Variants in ELMO1 observed in about 807,000 individuals in gnomAD.
ELMO1 encodes engulfment and cell motility protein 1.
ELMO1 carries 26 observed loss-of-function variants against 98.9 expected under a neutral mutation model. The ratio of observed to expected loss-of-function variants is 0.26; its 90% CI spans 0.19 to 0.36. ELMO1 has a LOEUF of 0.36. ELMO1 is among the 10% of genes least tolerant of loss of function. The pLI is 1.00. For synonymous variants in ELMO1, 346 were observed against 346.0 expected (o/e 1.00, Z 0.00); for missense variants, 627 against 935.2 (o/e 0.67, Z 4.30).
chr7:37,274,008 A>C (rs993651455), intron 4 of ELMO1, among the ~76,000 whole-genome samples: 1 of 152,136 alleles, frequency 6.6e-6, no homozygotes, highest in Non-Finnish European at 1.5e-5. Flanking sequence ...CGAAAACCCA[A>C]CACCACCAGA....
rs142868874 is a variant in ELMO1 at position 37,108,390 on chromosome 7, T to C, written c.1192-11663A>G. 4.4e-3 allele frequency among the ~76,000 whole-genome samples: 672 copies of C among 152,280 alleles called. 5 individuals carry two copies. The highest frequency in any genetic ancestry group is 0.015 in the African/African-American group (633 of 41,552). On this transcript the variant is annotated intron_variant, in intron 14 of 21. Coordinates refer to ENST00000310758, the MANE Select transcript of ELMO1 (RefSeq NM_014800.11). ...CCCTCTCCTTCAGACCCAATCCAGATGTCACTTTCTCCATAAAACCTTATG... is the reference window on the plus strand; with the variant it reads ...CCCTCTCCTTCAGACCCAATCCAGACGTCACTTTCTCCATAAAACCTTATG...
intron 16 of ELMO1, among the ~76,000 whole-genome samples, chr7:36,963,334 C>T (rs1026320116): frequency 2.6e-4 from 39 of 151,760 alleles, no homozygotes; most frequent in Admixed American, 1.6e-3. Flanking sequence ...GCCGAGATTG[C>T]GCCACTGCAC....
intron 1 of ELMO1, among the ~76,000 whole-genome samples, chr7:37,352,438 A>G (rs528330768): frequency 2.0e-5 from 3 of 152,202 alleles, no homozygotes; most frequent in Admixed American, 6.5e-5. Flanking sequence ...TTACTGCAGG[A>G]CTTCTCAGGG....
rs564895728 is a variant in ELMO1 at position 37,168,120 on chromosome 7, G to C, written c.1087-34886C>G. The stretch of plus-strand genomic sequence containing the variant: ...TCCATCACTGATATCCTTTCTTCCA[G>C]TTGATCGCATTGGCTCCTGAGGCTT... On this transcript the variant is annotated intron_variant, in intron 13 of 21. Coordinates refer to ENST00000310758, the MANE Select transcript of ELMO1 (RefSeq NM_014800.11). Among the ~76,000 whole-genome samples the C allele has an allele frequency of 1.7e-3, 253 of 151,958 alleles. 1 individual carries two copies. The highest frequency in any genetic ancestry group is 5.6e-3 in the African/African-American group (231 of 41,478).
At chr7:37,147,170 C>A (rs1788038297) in intron 13 of ELMO1, among the ~76,000 whole-genome samples, 1 of 152,140 alleles carries the variant, frequency 6.6e-6, no homozygotes, top group Non-Finnish European at 1.5e-5. Context: ...TTCATGATAT[C>A]CCAGCTCCTC....
chr7:36,999,637 C>T (rs1476769425), intron 16 of ELMO1, among the ~76,000 whole-genome samples: 5 of 152,188 alleles, frequency 3.3e-5, no homozygotes, highest in Admixed American at 2.0e-4. Flanking sequence ...CAGAAACCAA[C>T]AGTAAATGCT....
At chr7:37,217,226 A>G (rs950240520) in intron 10 of ELMO1, among the ~76,000 whole-genome samples, 7 of 151,368 alleles carry the variant, frequency 4.6e-5, no homozygotes, top group Non-Finnish European at 8.8e-5. Flanking sequence ...AAAGCTCTAG[A>G]GTCTACACTC....
chr7:36,989,548 T>C (rs1288870517), intron 16 of ELMO1, among the ~76,000 whole-genome samples: 5 of 151,570 alleles, frequency 3.3e-5, no homozygotes, highest in African/African-American at 1.2e-4. Flanking sequence ...ATCTCCCACA[T>C]ATAAAATGGA....
intron 16 of ELMO1, among the ~76,000 whole-genome samples, chr7:36,943,056 G>C (rs1787182450): frequency 6.6e-6 from 1 of 152,158 alleles, no homozygotes; most frequent in South Asian, 2.1e-4. Context: ...GACTACCTGC[G>C]GAACCTGGGT....
At chr7:37,052,348 G>A (rs1381428471) in intron 15 of ELMO1, among the ~76,000 whole-genome samples, 1 of 152,180 alleles carries the variant, frequency 6.6e-6, no homozygotes, top group African/African-American at 2.4e-5. Flanking sequence ...TTAGTTTAAA[G>A]AACTGCTATC....
intron 6 of ELMO1, among the ~76,000 whole-genome samples, chr7:37,255,938 T>C (rs895217194): frequency 6.6e-6 from 1 of 152,152 alleles, no homozygotes; most frequent in Non-Finnish European, 1.5e-5. Flanking sequence ...GGCAGGTACA[T>C]GAAGTAATCC....
chr7:36,986,314 G>C, intron 16 of ELMO1: 1 of 944,896 alleles, frequency 1.1e-6, no homozygotes, highest in Middle Eastern at 5.4e-4. Flanking sequence ...TTTTCTCTTA[G>C]AGTATCACAA....
At chr7:37,368,648 A>G (rs1199739886) in intron 1 of ELMO1, among the ~76,000 whole-genome samples, 1 of 152,206 alleles carries the variant, frequency 6.6e-6, no homozygotes, top group East Asian at 1.9e-4. Flanking sequence ...CCACATCTGG[A>G]CAGGCTTTTC....
intron 15 of ELMO1, among the ~76,000 whole-genome samples, chr7:37,020,234 T>C (rs1318741841): frequency 6.6e-6 from 1 of 152,198 alleles, no homozygotes; most frequent in East Asian, 1.9e-4. Context: ...GCAGTCTCCA[T>C]ATACATAGAT....
chr7:37,199,380 GA>G (rs1158086682), intron 13 of ELMO1, among the ~76,000 whole-genome samples: 1 of 152,174 alleles, frequency 6.6e-6, no homozygotes, highest in Non-Finnish European at 1.5e-5. Flanking sequence ...TTGGGAGGCT[GA>G]GGTGGGAGGT....
intron 15 of ELMO1, among the ~76,000 whole-genome samples, chr7:37,086,395 A>C (rs1177808221): frequency 1.4e-5 from 2 of 145,904 alleles, no homozygotes; most frequent in African/African-American, 5.2e-5. Flanking sequence ...AAGAGGGTGA[A>C]TGATAAAACA....
chr7:37,355,415 C>G (rs1450387636), intron 1 of ELMO1, among the ~76,000 whole-genome samples: 1 of 152,214 alleles, frequency 6.6e-6, no homozygotes, highest in Non-Finnish European at 1.5e-5. Context: ...ATGAAACACA[C>G]AGAAGCCACA....
chr7:37,136,101 A>C (rs960328842), intron 13 of ELMO1, among the ~76,000 whole-genome samples: 2 of 152,216 alleles, frequency 1.3e-5, no homozygotes, highest in African/African-American at 4.8e-5. Context: ...CAGCAGTAGA[A>C]TTAGCAAGCA....
chr7:37,243,119 T>C (rs1584862575), intron 7 of ELMO1, among the ~76,000 whole-genome samples: 1 of 152,216 alleles, frequency 6.6e-6, no homozygotes, highest in Non-Finnish European at 1.5e-5. Context: ...ACTATTCATT[T>C]CTGTCTATGA....
Sources: allele counts gnomAD v4.1 joint callset (sites outside exome capture counted in the v4.1 genomes callset), GRCh38; gene constraint gnomAD v4.1.1; transcripts MANE v1.5; gene names NCBI Gene and HGNC (gene_info 2026-07-23, HGNC 2026-07-21).